The following BAZ1A variants were observed in gnomAD, a reference collection of about 807,000 sequenced individuals.
BAZ1A encodes bromodomain adjacent to zinc finger domain protein 1A.
Under a neutral mutation model 185.2 loss-of-function variants are expected in BAZ1A, and 50 were observed. The observed-to-expected ratio is 0.27, with a 90% confidence interval of 0.22 to 0.34. The LOEUF is 0.34. Among genes scored for constraint, BAZ1A ranks in the 10% least tolerant of loss-of-function variants. The pLI, the probability that BAZ1A is intolerant of heterozygous loss-of-function variation, is 1.00. For synonymous variants in BAZ1A, 571 were observed against 615.6 expected, an observed-to-expected ratio of 0.93 and a Z score of 1.07; for missense variants, 1,356 against 1,839.9, an observed-to-expected ratio of 0.74 and a Z score of 4.81.
intron 3 of BAZ1A, among the ~76,000 whole-genome samples, chr14:34,852,659 C>T (rs889417852): frequency 1.3e-5 from 2 of 152,040 alleles, no homozygotes; most frequent in Non-Finnish European, 2.9e-5. Flanking sequence ...AATGAAGACA[C>T]TGAAATATTA....
intron 3 of BAZ1A, among the ~76,000 whole-genome samples, chr14:34,848,594 C>T (rs1425604683): frequency 6.6e-6 from 1 of 152,042 alleles, no homozygotes. Flanking sequence ...GGGACTCTGT[C>T]TCAAAAAATA....
At chr14:34,761,409 G>T (rs1180980440) in intron 24 of BAZ1A, among the ~76,000 whole-genome samples, 1 of 152,138 alleles carries the variant, frequency 6.6e-6, no homozygotes, top group Admixed American at 6.6e-5. Flanking sequence ...GCTTGTCTAG[G>T]TGATGCTGAG....
In BAZ1A at chr14:34,771,613, C is replaced by A; in HGVS notation, c.3199G>T (p.Ala1067Ser). 3.1e-6 allele frequency: 5 copies of A among 1,614,088 alleles called. No homozygotes were observed. Among genetic ancestry groups the A allele is most frequent in the Non-Finnish European group, 3.4e-6 (4 of 1,180,006 alleles). The change falls in exon 21 of 27, where the codon GCA becomes TCA. Residue 1067 changes from alanine (A) to serine (S), a missense_variant. Physicochemically the swap from Ala to Ser is moderately conservative, Grantham distance 99 (BLOSUM62 1). Around this residue, in one of 7 missense-constraint regions of BAZ1A, gnomAD observed 434 missense variants for 561.7 expected, o/e 0.77. Transcript: ENST00000360310. ...TETPSTVSTN[A>S]STPQSVSSVV... ...CTGCTCACTGATTGTGGTGTACTTG[C>A]ATTTGTTGATACAGTACTTGGAGTT... is the stretch of plus-strand genomic sequence containing the variant.
At chr14:34,843,865 CT>C (rs1356431808) in intron 3 of BAZ1A, among the ~76,000 whole-genome samples, 1 of 152,126 alleles carries the variant, frequency 6.6e-6, no homozygotes, top group Non-Finnish European at 1.5e-5. Flanking sequence ...AGACAGTATA[CT>C]ATGGTCCATG....
intron 3 of BAZ1A, among the ~76,000 whole-genome samples, chr14:34,856,804 G>C (rs2042686840): frequency 7.0e-6 from 1 of 143,134 alleles, no homozygotes; most frequent in Non-Finnish European, 1.5e-5. Flanking sequence ...GTTGCTGTGA[G>C]CCAAGATTGC....
At chr14:34,781,500 C>G (rs887410426) in intron 16 of BAZ1A, among the ~76,000 whole-genome samples, 1 of 150,554 alleles carries the variant, frequency 6.6e-6, no homozygotes, top group African/African-American at 2.4e-5. Context: ...TGGAGTCATA[C>G]AACATGTGAT....
intron 3 of BAZ1A, among the ~76,000 whole-genome samples, chr14:34,854,555 G>A (rs1200410): frequency 0.86 from 131,161 of 152,098 alleles, 57,522 homozygotes; most frequent in Non-Finnish European, 0.96. Context: ...TCAAGTCAAC[G>A]GCAGTATTAC....
chr14:34,796,059 GGAGTCA>G (rs1881174259), intron 9 of BAZ1A, among the ~76,000 whole-genome samples: 2 of 152,004 alleles, frequency 1.3e-5, no homozygotes, highest in South Asian at 4.1e-4. Flanking sequence ...CAGCACTTTG[GGAGTCA>G]GAGTCAGGTG....
At chr14:34,835,785 C>T (rs2042320196) in intron 3 of BAZ1A, among the ~76,000 whole-genome samples, 2 of 151,382 alleles carry the variant, frequency 1.3e-5, no homozygotes, top group South Asian at 4.2e-4. Flanking sequence ...AATTCTCCTG[C>T]CTCAGCCTCC....
In BAZ1A at chr14:34,765,006, A is replaced by G. The variant is rs1390615106; in HGVS notation, c.3549+15T>C. 1.2e-6 allele frequency: 2 copies of G among 1,613,506 alleles called. No individual in the cohort carries two copies. Among genetic ancestry groups the G allele is most frequent in the Admixed American group, 1.7e-5 (1 of 59,826 alleles). ...TTAATGTCTCATTTCTAATCTGATA[A>G]GAAGAAAAAAATACCTTGAGCTTTG... On this transcript the variant is annotated intron_variant, in intron 22 of 26. Transcript: ENST00000360310.
rs566465043 is a variant in BAZ1A, at chr14:34,803,334, G to A, written c.727-346C>T. ...GTGGAGGTTACAGTGAGCAGAGATC[G>A]TGCCACTGCACTCCAGCCTGGTGAC... On this transcript the variant is annotated intron_variant, in intron 6 of 26. Coordinates refer to ENST00000360310, the MANE Select transcript of BAZ1A (RefSeq NM_013448.3). Among the ~76,000 whole-genome samples, 8 of 147,250 alleles carry A rather than the reference G, an allele frequency of 5.4e-5. No individual in the cohort carries two copies. In the South Asian group the frequency reaches 6.4e-4, roughly 12 times the overall value.
Position 34,753,720 on chromosome 14 carries a change from G to A in BAZ1A, c.4475-16C>T, listed in dbSNP as rs1376143984. On this transcript the variant is annotated splice_polypyrimidine_tract_variant and intron_variant, in intron 26 of 26. Transcript: ENST00000360310. ...ATAAACTCAGCTAGAAAGGGAAAGAGACAAAAAGATTAGAATGAAAGTACA... is the reference window on the plus strand; with the variant it reads ...ATAAACTCAGCTAGAAAGGGAAAGAAACAAAAAGATTAGAATGAAAGTACA... 2.6e-6 allele frequency: 4 copies of A among 1,525,608 alleles called. No homozygotes were observed. Among genetic ancestry groups the A allele is most frequent in the Admixed American group, 2.0e-5 (1 of 50,276 alleles). The allele number at this position is 1,525,608 out of a possible 1,614,324, so 94.5% of individuals were successfully genotyped here.
rs1323963924 is a variant in BAZ1A at position 34,752,879 on chromosome 14, AAC to A, written c.*627_*628del. 1 of 152,366 alleles carries A rather than the reference AAC, an allele frequency of 6.6e-6. No homozygotes were observed. Among genetic ancestry groups the A allele is most frequent in the Non-Finnish European group, 1.5e-5 (1 of 68,036 alleles). The allele number at this position is 152,366 out of a possible 1,614,324, so 9.4% of individuals were successfully genotyped here. A position where few individuals can be genotyped will look rare whatever the true frequency, so the allele number is the denominator to read the frequency against. ...TCATTAAGGAAGTTAGAGGAATAAA[AAC>A]ACAGTAAAAGGTTTAAAACATTAAG... On this transcript the variant is annotated 3_prime_UTR_variant, in exon 27 of 27. Transcript: ENST00000360310.
intron 17 of BAZ1A, among the ~76,000 whole-genome samples, chr14:34,778,170 A>G (rs1163787239): frequency 6.6e-6 from 1 of 152,206 alleles, no homozygotes; most frequent in Non-Finnish European, 1.5e-5. Context: ...GTTCAAAGAG[A>G]TGGGATCAGA....
chr14:34,779,544 T>TA (rs1208247501), intron 17 of BAZ1A, among the ~76,000 whole-genome samples: 27 of 152,058 alleles, frequency 1.8e-4, no homozygotes, highest in Admixed American at 3.9e-4. Context: ...AGTAACCATT[T>TA]AAAAAAAATA....
In BAZ1A at chr14:34,810,915, G is replaced by A. The variant is rs745591873; in HGVS notation, c.638+20C>T. 2.0e-6 allele frequency: 3 copies of A among 1,504,968 alleles called. No homozygotes were observed. In the Admixed American group the frequency reaches 5.1e-5, roughly 26 times the overall value. The allele number at this position is 1,504,968 out of a possible 1,614,324, so 93.2% of individuals were successfully genotyped here. On this transcript the variant is annotated intron_variant, in intron 5 of 26. Transcript: ENST00000360310. ...AATTATTCTACTTTAAACTACTATT[G>A]AGAAGATAGTGAGTTTTACCTGATT...
intron 3 of BAZ1A, among the ~76,000 whole-genome samples, chr14:34,854,120 C>A (rs1191771092): frequency 2.0e-5 from 3 of 152,146 alleles, no homozygotes; most frequent in Non-Finnish European, 4.4e-5. Context: ...TGATGCGGAA[C>A]TCAGGATCTA....
chr14:34,832,215 C>CACACACACATATATATATATAT, intron 3 of BAZ1A, among the ~76,000 whole-genome samples: 42 of 89,702 alleles, frequency 4.7e-4, no homozygotes, highest in South Asian at 9.8e-4. Flanking sequence ...CACACACACA[C>CACACACACATATATATATATAT]ATATATATAT....
Position 34,869,982 on chromosome 14 carries a change from CA to C in BAZ1A, c.113+4509del, listed in dbSNP as rs150239544. On this transcript the variant is annotated intron_variant, in intron 2 of 26. Transcript: ENST00000360310. ...AGACCTGTGACTGAGGCTCTTACTC[CA>C]ACCTGCCTCAGCCTAGCCTCCAGCT... 6.1e-3 allele frequency among the ~76,000 whole-genome samples: 934 copies of C among 152,296 alleles called. 17 individuals are homozygous for C. Among genetic ancestry groups the C allele is most frequent in the African/African-American group, 0.022 (902 of 41,550 alleles).
Sources: allele counts gnomAD v4.1 joint callset (sites outside exome capture counted in the v4.1 genomes callset), GRCh38; gene constraint gnomAD v4.1.1; regional missense constraint gnomAD v4.1.1; transcripts MANE v1.5; gene names NCBI Gene and HGNC (gene_info 2026-07-23, HGNC 2026-07-21).